The following DLC1 variants were observed in gnomAD, a reference collection of about 807,000 sequenced individuals.
DLC1 encodes rho GTPase-activating protein 7.
DLC1 carries 54 observed loss-of-function variants against 140.3 expected under a neutral mutation model. The ratio of observed to expected loss-of-function variants is 0.38; its 90% CI spans 0.31 to 0.48. The LOEUF (loss-of-function observed/expected upper bound fraction) is 0.48, where lower values mean the gene tolerates loss of function less well. Ranked by LOEUF, DLC1 falls within the 20% of genes least tolerant of loss-of-function variation. The pLI is 0.96. For synonymous variants in DLC1, 986 were observed against 728.1 expected (o/e 1.35, Z -5.70); for missense variants, 2,536 against 1,907.0 (o/e 1.33, Z -6.14).
At chr8:13,566,370 A>T (rs1309253821) in intron 1 of DLC1, among the ~76,000 whole-genome samples, 2 of 71,842 alleles carry the variant, frequency 2.8e-5, no homozygotes, top group Non-Finnish European at 5.5e-5. Flanking sequence ...CCCACCCCCG[A>T]CCCCGCCCAA....
chr8:13,228,102 T>C (rs1337645264), intron 5 of DLC1, among the ~76,000 whole-genome samples: 1 of 152,140 alleles, frequency 6.6e-6, no homozygotes, highest in Admixed American at 6.5e-5. Flanking sequence ...AATCTGTATA[T>C]AAATGGGAAT....
At chr8:13,510,146 G>C (rs1802289822) in intron 1 of DLC1, among the ~76,000 whole-genome samples, 1 of 150,446 alleles carries the variant, frequency 6.6e-6, no homozygotes, top group African/African-American at 2.4e-5. Context: ...AACAAAATGT[G>C]AGTGAAACAC....
intron 1 of DLC1, among the ~76,000 whole-genome samples, chr8:13,503,724 G>T (rs1448467751): frequency 6.6e-6 from 1 of 152,182 alleles, no homozygotes; most frequent in Non-Finnish European, 1.5e-5. Flanking sequence ...AGTACCCAGT[G>T]AGTGGCAGAA....
chr8:13,332,900 T>A (rs1194668516), intron 4 of DLC1, among the ~76,000 whole-genome samples: 2 of 152,142 alleles, frequency 1.3e-5, no homozygotes, highest in Non-Finnish European at 2.9e-5. Flanking sequence ...TGAAATAGAT[T>A]CTTAAGAGTG....
At position 13,092,883 on chromosome 8, in the gene DLC1, G is replaced by A. The variant is rs978955501; in HGVS notation, c.3527-58C>T. ...GGTGAATTTGCATGGACATTGCAAGGAAATGTCCCAGAGCAAATATCGGCA... is the reference window on the plus strand; with the variant it reads ...GGTGAATTTGCATGGACATTGCAAGAAAATGTCCCAGAGCAAATATCGGCA... On this transcript the variant is annotated intron_variant, in intron 12 of 17. Coordinates refer to ENST00000276297, the MANE Select transcript of DLC1 (RefSeq NM_182643.3). The A allele has an allele frequency of 1.5e-5, 23 of 1,550,644 alleles. No homozygotes were observed. In the East Asian group the frequency reaches 5.2e-4, roughly 35 times the overall value.
intron 5 of DLC1, among the ~76,000 whole-genome samples, chr8:13,186,334 G>A (rs897253400): frequency 5.9e-5 from 9 of 152,074 alleles, no homozygotes; most frequent in Admixed American, 5.2e-4. Flanking sequence ...TTTCTTGGAG[G>A]CTTTGTTCAT....
rs569841324 is a variant in DLC1, at chr8:13,159,684, G to A, written c.1349-44027C>T. The stretch of plus-strand genomic sequence containing the variant: ...AGAACAGAGCCCACACATGTCCACC[G>A]TCTCTCCAGACGGCATCCAGGGCAA... On this transcript the variant is annotated intron_variant, in intron 5 of 17. Coordinates refer to ENST00000276297, the MANE Select transcript of DLC1 (RefSeq NM_182643.3). Among the ~76,000 whole-genome samples the A allele has an allele frequency of 1.2e-4, 19 of 152,172 alleles. No homozygotes were observed. In the East Asian group the frequency reaches 2.1e-3, roughly 17 times the overall value.
intron 5 of DLC1, among the ~76,000 whole-genome samples, chr8:13,141,858 A>T (rs1290827402): frequency 2.6e-5 from 4 of 152,166 alleles, no homozygotes; most frequent in Non-Finnish European, 5.9e-5. Flanking sequence ...CTGCAAGGCA[A>T]CGAATTACAC....
chr8:13,100,490 G>T lies in DLC1; in HGVS notation c.1847C>A (p.Pro616His). ...AACGCTGATGACGGAGTTAGTCCGG[G>T]GGGTGGCAGCATCCTCGCTGGGGGG... ...HAPPSEDAAT[P>H]RTNSVISVCS... is the part of the protein sequence containing the mutation. Residue 616 changes from proline (P) to histidine (H), a missense_variant, in exon 9 of 18, where the codon CCC (proline) becomes CAC (histidine). By Grantham distance (77) the Pro-to-His change is moderately conservative. Transcript: ENST00000276297. 2 of 1,612,876 alleles carry T rather than the reference G, an allele frequency of 1.2e-6. No individual in the cohort carries two copies.
chr8:13,156,725 A>G (rs1824286981), intron 5 of DLC1, among the ~76,000 whole-genome samples: 1 of 152,200 alleles, frequency 6.6e-6, no homozygotes, highest in African/African-American at 2.4e-5. Context: ...TTCGCAACTC[A>G]AAAAGTCAGG....
At chr8:13,338,140 C>A (rs1235770160) in intron 4 of DLC1, among the ~76,000 whole-genome samples, 1 of 152,178 alleles carries the variant, frequency 6.6e-6, no homozygotes, top group Non-Finnish European at 1.5e-5. Flanking sequence ...TTTGTCCCCA[C>A]TTGCTTTTGA....
intron 1 of DLC1, among the ~76,000 whole-genome samples, chr8:13,535,851 A>G (rs991133433): frequency 2.0e-5 from 3 of 152,266 alleles, no homozygotes; most frequent in African/African-American, 7.2e-5. Context: ...ACCAATCAGT[A>G]TCCTATATAG....
intron 4 of DLC1, among the ~76,000 whole-genome samples, chr8:13,385,451 C>G (rs987203525): frequency 3.0e-4 from 46 of 152,186 alleles, no homozygotes; most frequent in African/African-American, 1.1e-3. Context: ...CAACAAAAAT[C>G]TAAGGAGTAT....
At chr8:13,345,943 G>A (rs192082933) in intron 4 of DLC1, among the ~76,000 whole-genome samples, 37 of 152,270 alleles carry the variant, frequency 2.4e-4, no homozygotes, top group Middle Eastern at 3.4e-3. Context: ...ACCTTTGGTA[G>A]TTGTGTTTAA....
At chr8:13,576,759 T>C (rs1804851505) in intron 1 of DLC1, among the ~76,000 whole-genome samples, 2 of 152,162 alleles carry the variant, frequency 1.3e-5, no homozygotes. Context: ...GCTGTGTCTG[T>C]GCTGCTGGAG....
At chr8:13,333,303 G>A (rs9643938) in intron 4 of DLC1, among the ~76,000 whole-genome samples, 11,744 of 152,198 alleles carry the variant, frequency 0.077, 907 homozygotes, top group East Asian at 0.37. Context: ...ATAGCTCACT[G>A]CAGCTTGGAA....
intron 1 of DLC1, among the ~76,000 whole-genome samples, chr8:13,604,093 G>C (rs1805971513): frequency 6.6e-6 from 1 of 151,996 alleles, no homozygotes; most frequent in Admixed American, 6.6e-5. Context: ...ATAATGTTAT[G>C]ATATGCTGAA....
intron 7 of DLC1, among the ~76,000 whole-genome samples, chr8:13,104,677 T>C (rs899288249): frequency 6.6e-6 from 1 of 152,236 alleles, no homozygotes; most frequent in African/African-American, 2.4e-5. Flanking sequence ...GATCCTGTTC[T>C]TGCTGTTTGC....
At chr8:13,345,547 C>CTTTTTTTTTTTTTTTTTTGTT (rs1834291562) in intron 4 of DLC1, among the ~76,000 whole-genome samples, 1 of 67,520 alleles carries the variant, frequency 1.5e-5, no homozygotes, top group Non-Finnish European at 2.6e-5. Context: ...TTCACTCACA[C>CTTTTTTTTTTTTTTTTTTGTT]TTTTTTTTTT....
Sources: gnomAD v4.1 joint callset for allele counts (sites outside exome capture counted in the v4.1 genomes callset) on GRCh38, gnomAD v4.1.1 for gene constraint, MANE v1.5 for transcripts, NCBI Gene and HGNC (gene_info 2026-07-23, HGNC 2026-07-21) for gene names.